Variants in NKAIN1 observed in about 807,000 individuals in gnomAD.
The protein encoded by NKAIN1 is sodium/potassium transporting ATPase interacting 1.
NKAIN1 carries 13 observed loss-of-function variants against 31.6 expected under a neutral mutation model. That is an observed-to-expected ratio of 0.41 (90% CI 0.27 to 0.65). The LOEUF (loss-of-function observed/expected upper bound fraction) is 0.65. NKAIN1 is among the 30% of genes least tolerant of loss of function. The pLI is 0.30. For missense variants in NKAIN1, 193 were observed against 262.2 expected (o/e 0.74, Z 1.82); for synonymous variants, 104 against 109.0 (o/e 0.95, Z 0.28).
chr1:31,228,140 T>C (rs1195804821), intron 1 of NKAIN1, among the ~76,000 whole-genome samples: 2 of 152,232 alleles, frequency 1.3e-5, no homozygotes, highest in African/African-American at 4.8e-5. Context: ...ACGCCTATTA[T>C]GAGCAGTCTC....
rs111373448 is a variant in NKAIN1, at chr1:31,205,448, A to G, written c.55-17261T>C. Among the ~76,000 whole-genome samples, 256 of 152,114 alleles carry G rather than the reference A, an allele frequency of 1.7e-3. 3 individuals are homozygous for G. Among genetic ancestry groups the G allele is most frequent in the African/African-American group, 5.8e-3 (240 of 41,514 alleles). On this transcript the variant is annotated intron_variant, in intron 1 of 6. Coordinates refer to ENST00000373736, the MANE Select transcript of NKAIN1 (RefSeq NM_024522.3). ...TTTAGCCTCCTGAGTAGCCACAACT[A>G]CGGGCACGCCCCACCATGCCCAGAT...
intron 1 of NKAIN1, among the ~76,000 whole-genome samples, chr1:31,236,777 G>T (rs1187763842): frequency 6.6e-6 from 1 of 152,186 alleles, no homozygotes; most frequent in Non-Finnish European, 1.5e-5. Context: ...GGAAGAGTGG[G>T]GTTAGCTTAG....
chr1:31,224,409 G>C (rs1645586548), intron 1 of NKAIN1, among the ~76,000 whole-genome samples: 1 of 152,176 alleles, frequency 6.6e-6, no homozygotes, highest in Non-Finnish European at 1.5e-5. Flanking sequence ...TTCGAATACA[G>C]ATGCTCCTTG....
Position 31,183,853 on chromosome 1 carries a change from A to G in NKAIN1, c.435T>C (p.Ile145=). 1.2e-6 allele frequency: 2 copies of G among 1,614,018 alleles called. No homozygotes were observed. The highest frequency in any genetic ancestry group is 1.7e-6 in the Non-Finnish European group (2 of 1,179,984). ...VTGCLLDYPY[I]EALSSALQIF... Reference sequence around the variant, plus strand: ...TCTGCAGGGCGCTGCTGAGGGCTTCAATGTAGGGGTAGTCAAGCAGGCAGC... The same window carrying G: ...TCTGCAGGGCGCTGCTGAGGGCTTCGATGTAGGGGTAGTCAAGCAGGCAGC... The change falls in exon 4 of 7, where the codon ATT becomes ATC. Residue 145 remains isoleucine (I), a synonymous_variant. Coordinates refer to ENST00000373736, the MANE Select transcript of NKAIN1 (RefSeq NM_024522.3).
At chr1:31,186,062 T>A (rs1428774494) in intron 2 of NKAIN1, among the ~76,000 whole-genome samples, 70 of 130,278 alleles carry the variant, frequency 5.4e-4, no homozygotes, top group Non-Finnish European at 7.5e-4. Context: ...AACCCATATT[T>A]AAAAAAAAAA....
At chr1:31,191,408 T>G (rs1229777628) in intron 1 of NKAIN1, among the ~76,000 whole-genome samples, 2 of 151,464 alleles carry the variant, frequency 1.3e-5, no homozygotes, top group African/African-American at 4.9e-5. Flanking sequence ...AGGTTTTTTT[T>G]TTTTTTTTTT....
chr1:31,181,865 C>G lies in NKAIN1; in HGVS notation c.609G>C (p.Leu203=). ...AGCAGGGGGCCGTGACCCACGTGTA[C>G]AGAGGCTGCAGCTGTAAATGCGACG... ...QKTSHLQLQP[L]YTSG is the part of the protein sequence containing the mutation. Residue 203 remains leucine (L), a synonymous_variant, in exon 6 of 7, where the codon CTG becomes CTC. Coordinates refer to ENST00000373736, the MANE Select transcript of NKAIN1 (RefSeq NM_024522.3). 1 of 1,606,546 alleles carries G rather than the reference C, an allele frequency of 6.2e-7. No individual in the cohort carries two copies. The highest frequency in any genetic ancestry group is 8.5e-7 in the Non-Finnish European group (1 of 1,177,224).
At chr1:31,206,149 C>A (rs940144804) in intron 1 of NKAIN1, among the ~76,000 whole-genome samples, 2 of 150,508 alleles carry the variant, frequency 1.3e-5, no homozygotes, top group East Asian at 4.0e-4. Flanking sequence ...GCAGGAGAAT[C>A]GCTTGAACCC....
chr1:31,209,714 G>A lies in NKAIN1; in HGVS notation c.55-21527C>T, dbSNP rs139537327. On this transcript the variant is annotated intron_variant, in intron 1 of 6. Transcript: ENST00000373736. ...TGCCTGTAGTCCCAGCTACTCCGGA[G>A]GCTGAGGTGGGAAGACCACTTGAAC... is the stretch of plus-strand genomic sequence containing the variant. Among the ~76,000 whole-genome samples, 802 of 152,176 alleles carry A rather than the reference G, an allele frequency of 5.3e-3. 5 individuals are homozygous for A. Among genetic ancestry groups the A allele is most frequent in the African/African-American group, 0.018 (740 of 41,526 alleles).
chr1:31,189,174 A>G (rs1045143258), intron 1 of NKAIN1, among the ~76,000 whole-genome samples: 2 of 152,138 alleles, frequency 1.3e-5, no homozygotes, highest in African/African-American at 4.8e-5. Context: ...CCCATCAGCC[A>G]TCAACCATGT....
At position 31,181,944 on chromosome 1, in the gene NKAIN1, G is replaced by A; in HGVS notation, c.533-3C>T. ...GTCAAAGCCGCCGATGAAGTCAACT[G>A]CGGAAGAGGGGCGGCGCATGTTAGG... On this transcript the variant is annotated splice_region_variant and splice_polypyrimidine_tract_variant and intron_variant, in intron 5 of 6. Coordinates refer to ENST00000373736, the MANE Select transcript of NKAIN1 (RefSeq NM_024522.3). 1.2e-6 allele frequency: 2 copies of A among 1,605,354 alleles called. No individual in the cohort carries two copies. The highest frequency in any genetic ancestry group is 1.7e-6 in the Non-Finnish European group (2 of 1,176,560).
intron 1 of NKAIN1, among the ~76,000 whole-genome samples, chr1:31,234,572 G>A (rs1255228266): frequency 6.6e-6 from 1 of 152,022 alleles, no homozygotes; most frequent in East Asian, 1.9e-4. Flanking sequence ...CAACTCTGTG[G>A]GCTAGAGATG....
chr1:31,225,033 C>CTTTTTTTTTTTTTTTTTTT (rs1553163963), intron 1 of NKAIN1, among the ~76,000 whole-genome samples: 6 of 112,086 alleles, frequency 5.4e-5, no homozygotes, highest in Non-Finnish European at 8.6e-5. Flanking sequence ...CTTTTCTTTT[C>CTTTTTTTTTTTTTTTTTTT]TTTTTTTTTT....
At chr1:31,183,468 T>TTTTTTA (rs1645218995) in intron 4 of NKAIN1, among the ~76,000 whole-genome samples, 1 of 129,110 alleles carries the variant, frequency 7.7e-6, no homozygotes, top group African/African-American at 2.9e-5. Flanking sequence ...TTTTTTTTTT[T>TTTTTTA]ATGGAGTTTC....
Position 31,239,385 on chromosome 1 carries a change from C to A in NKAIN1, c.54+109G>T. 1.3e-6 allele frequency: 1 copy of A among 794,646 alleles called. No homozygotes were observed. Among genetic ancestry groups the A allele is most frequent in the Non-Finnish European group, 1.7e-6 (1 of 572,124 alleles). 49.2% of individuals were successfully genotyped at this position (794,646 alleles called of 1,614,324 possible). On this transcript the variant is annotated intron_variant, in intron 1 of 6. Transcript: ENST00000373736. This position sits in a 1 kb window ranked among gnomAD's most constrained non-coding sequence, Gnocchi z 4.8. ...CTCCAGACCACCCCCCGCCCGGGCA[C>A]ACGCACCAGACACACACACAGAGAC... is the stretch of plus-strand genomic sequence containing the variant.
chr1:31,230,772 T>C (rs1249809052), intron 1 of NKAIN1, among the ~76,000 whole-genome samples: 2 of 151,994 alleles, frequency 1.3e-5, no homozygotes, highest in Non-Finnish European at 2.9e-5. Flanking sequence ...AGGGGGCACA[T>C]GAGATATTTT....
intron 1 of NKAIN1, among the ~76,000 whole-genome samples, chr1:31,198,685 G>A (rs925987774): frequency 6.6e-6 from 1 of 151,990 alleles, no homozygotes; most frequent in Admixed American, 6.6e-5. Context: ...GCCTCCCTGA[G>A]GCTCCCTGCT....
chr1:31,205,613 G>GT (rs761138403), intron 1 of NKAIN1, among the ~76,000 whole-genome samples: 3,900 of 96,526 alleles, frequency 0.04, 375 homozygotes, highest in African/African-American at 0.12. Flanking sequence ...AGCCGGACAA[G>GT]TTTTTTTTTT....
At chr1:31,238,279 C>G (rs919431208) in intron 1 of NKAIN1, among the ~76,000 whole-genome samples, 2 of 152,208 alleles carry the variant, frequency 1.3e-5, no homozygotes, top group Non-Finnish European at 1.5e-5. Context: ...CAAAACTTCA[C>G]TCTACATTAT....
Sources: gnomAD v4.1 joint callset for allele counts (sites outside exome capture counted in the v4.1 genomes callset) on GRCh38, gnomAD v4.1.1 for gene constraint, Gnocchi (gnomAD v3.1) non-coding constraint, MANE v1.5 for transcripts, NCBI Gene and HGNC (gene_info 2026-07-23, HGNC 2026-07-21) for gene names.